The following CCDC39 variants were observed in gnomAD, a reference collection of about 807,000 sequenced individuals.
CCDC39 encodes coiled-coil domain 39 molecular ruler complex subunit, also known as coiled-coil domain-containing protein 39.
CCDC39 carries 113 observed loss-of-function variants against 121.0 expected under a neutral mutation model. The ratio of observed to expected loss-of-function variants is 0.93; its 90% CI spans 0.80 to 1.09. The LOEUF (loss-of-function observed/expected upper bound fraction) is 1.09. Ranked by LOEUF, CCDC39 falls within the 50% of genes least tolerant of loss-of-function variation. The pLI, the probability that CCDC39 is intolerant of heterozygous loss-of-function variation, is 0.00. For missense variants in CCDC39, 1,063 were observed against 1,074.7 expected (o/e 0.99, Z 0.15); for synonymous variants, 349 against 352.2 (o/e 0.99, Z 0.10).
intron 1 of CCDC39, among the ~76,000 whole-genome samples, chr3:180,674,098 T>A (rs926347928): frequency 6.6e-5 from 10 of 152,184 alleles, no homozygotes; most frequent in African/African-American, 2.4e-4. Context: ...TATTGATTCT[T>A]CCTATTCATG....
At chr3:180,629,277 T>C (rs962668615) in intron 14 of CCDC39, among the ~76,000 whole-genome samples, 1 of 152,242 alleles carries the variant, frequency 6.6e-6, no homozygotes, top group African/African-American at 2.4e-5. Flanking sequence ...CATATTAATA[T>C]ATTTTAGTGT....
At chr3:180,650,859 A>AAAAAT (rs1173445593) in intron 9 of CCDC39, among the ~76,000 whole-genome samples, 3 of 152,166 alleles carry the variant, frequency 2.0e-5, no homozygotes, top group Admixed American at 6.5e-5. Context: ...TTAGTCTCAA[A>AAAAAT]AAAATAAAAT....
intron 14 of CCDC39, among the ~76,000 whole-genome samples, chr3:180,623,966 T>C (rs1411714082): frequency 6.6e-6 from 1 of 152,170 alleles, no homozygotes; most frequent in Non-Finnish European, 1.5e-5. Context: ...AAGCCCGATT[T>C]AAGTCCAGTG....
At chr3:180,641,159 T>G (rs1048624136) in intron 13 of CCDC39, among the ~76,000 whole-genome samples, 1 of 152,118 alleles carries the variant, frequency 6.6e-6, no homozygotes, top group African/African-American at 2.4e-5. Flanking sequence ...CACAACAGAT[T>G]GAAGAAGATA....
intron 14 of CCDC39, among the ~76,000 whole-genome samples, chr3:180,622,272 A>G (rs1297102887): frequency 1.3e-5 from 2 of 152,104 alleles, no homozygotes; most frequent in Admixed American, 6.6e-5. Flanking sequence ...TTGTATCCCG[A>G]AACTGCTGAA....
intron 13 of CCDC39, among the ~76,000 whole-genome samples, chr3:180,640,168 T>C (rs996041833): frequency 5.0e-4 from 76 of 152,078 alleles, no homozygotes; most frequent in African/African-American, 1.8e-3. Context: ...GTACATTACG[T>C]ATGTCAAAAC....
intron 14 of CCDC39, among the ~76,000 whole-genome samples, chr3:180,627,289 AG>A (rs1394645020): frequency 3.9e-5 from 6 of 152,256 alleles, no homozygotes; most frequent in African/African-American, 1.4e-4. Flanking sequence ...AAAAAATTAT[AG>A]AAATTATATC....
Position 180,679,296 on chromosome 3 carries a change from C to T in CCDC39, c.85G>A (p.Asp29Asn). Residue 29 changes from aspartate (D) to asparagine (N), a missense_variant, in exon 1 of 20, where the codon GAT (aspartate) becomes AAT (asparagine). Physicochemically the swap from Asp to Asn is conservative, Grantham distance 23. Coordinates refer to ENST00000476379, the MANE Select transcript of CCDC39 (RefSeq NM_181426.2). This position sits in a 1 kb window ranked among gnomAD's most constrained non-coding sequence, Gnocchi z 4.0. ...CCTGCTTCAATTGATCTCACCTGAT[C>T]TTCCAGTAGCTTGTTCTCCTCGTTC... is the stretch of plus-strand genomic sequence containing the variant. Reference protein sequence around the residue: ...VANEENKLLEDQLSKLKDERA... With the variant: ...VANEENKLLENQLSKLKDERA... 1.2e-6 allele frequency: 2 copies of T among 1,613,644 alleles called. No homozygotes were observed. The highest frequency in any genetic ancestry group is 2.2e-5 in the South Asian group (2 of 91,066).
chr3:180,645,819 C>A (rs1024434253), intron 11 of CCDC39, among the ~76,000 whole-genome samples: 5 of 151,960 alleles, frequency 3.3e-5, no homozygotes, highest in Non-Finnish European at 7.4e-5. Context: ...TCTGTTAAAA[C>A]CAGAGTTGGA....
At chr3:180,632,570 G>A (rs1014264613) in intron 13 of CCDC39, among the ~76,000 whole-genome samples, 2 of 152,002 alleles carry the variant, frequency 1.3e-5, no homozygotes, top group African/African-American at 4.8e-5. Flanking sequence ...ATAAAAACTT[G>A]CTGGACTTCA....
intron 1 of CCDC39, among the ~76,000 whole-genome samples, chr3:180,676,016 T>C (rs1479808747): frequency 6.6e-6 from 1 of 151,808 alleles, no homozygotes; most frequent in African/African-American, 2.4e-5. Flanking sequence ...AAGACTTAAA[T>C]GTTAGACCTA....
rs11712658 is a variant in CCDC39 at position 180,615,167 on chromosome 3, A to G, written c.2670-90T>C. 0.042 allele frequency: 39,095 copies of G among 937,952 alleles called. 1,078 individuals carry two copies. The highest frequency in any genetic ancestry group is 0.093 in the East Asian group (3,248 of 35,096). 58.1% of individuals were successfully genotyped at this position (937,952 alleles called of 1,614,324 possible). ...TATTGGCAAAAGGTACCATAATTCC[A>G]TAAGTAAAGACATCAAAAAAGTACA... is the stretch of plus-strand genomic sequence containing the variant. On this transcript the variant is annotated intron_variant, in intron 19 of 19. Coordinates refer to ENST00000476379, the MANE Select transcript of CCDC39 (RefSeq NM_181426.2).
intron 14 of CCDC39, among the ~76,000 whole-genome samples, chr3:180,630,904 CTG>C (rs1717676259): frequency 6.6e-6 from 1 of 152,088 alleles, no homozygotes; most frequent in East Asian, 1.9e-4. Context: ...TAATGGTAAA[CTG>C]GAGTTTAAAA....
chr3:180,654,637 AGAAAAAGG>A, intron 7 of CCDC39, 117 bp downstream of exon 7: 1 of 570,494 alleles, frequency 1.8e-6, no homozygotes, highest in Non-Finnish European at 2.8e-6. Context: ...AAAAAAAAAA[AGAAAAAGG>A]AAAAAAAAAA....
intron 1 of CCDC39, 61 bp from the exon 2 acceptor site, chr3:180,664,047 C>G (rs1297150312): frequency 7.0e-7 from 1 of 1,438,076 alleles, no homozygotes; most frequent in Non-Finnish European, 9.5e-7. Context: ...TATGAAGGAC[C>G]TAAAATCAAA....
In CCDC39 at chr3:180,657,418, T is replaced by C. The variant is rs527591644; in HGVS notation, c.738+2034A>G. Among the ~76,000 whole-genome samples the C allele has an allele frequency of 3.3e-5, 5 of 152,284 alleles. No homozygotes were observed. The East Asian group carries it at 9.7e-4, about 29-fold the overall frequency. On this transcript the variant is annotated intron_variant, in intron 6 of 19. Transcript: ENST00000476379. ...CCATGGGGTTGTATGAGAAAACTGATTGTGGATCCGTAATCTTGGATCTCG... is the reference window on the plus strand; with the variant it reads ...CCATGGGGTTGTATGAGAAAACTGACTGTGGATCCGTAATCTTGGATCTCG...
Position 180,652,176 on chromosome 3 carries a change from C to G in CCDC39, c.1021G>C (p.Glu341Gln). Residue 341 changes from glutamate (E) to glutamine (Q), a missense_variant, in exon 8 of 20, where the codon GAA becomes CAA. Glu to Gln is a conservative substitution (Grantham distance 29, BLOSUM62 2). Coordinates refer to ENST00000476379, the MANE Select transcript of CCDC39 (RefSeq NM_181426.2). ...NISKIKKDIH[E>Q]ETARLQKTKN... ...TTTTTTTCTTACCTTGCTGTTTCTT[C>G]ATGAATGTCCTTCTTTATCTTGGAA... 1 of 1,514,002 alleles carries G rather than the reference C, an allele frequency of 6.6e-7. No individual in the cohort carries two copies. The allele number at this position is 1,514,002 out of a possible 1,614,324, so 93.8% of individuals were successfully genotyped here. A position where few individuals can be genotyped will look rare whatever the true frequency, so the allele number is the denominator to read the frequency against.
At chr3:180,627,723 T>C (rs1346483555) in intron 14 of CCDC39, among the ~76,000 whole-genome samples, 2 of 152,172 alleles carry the variant, frequency 1.3e-5, no homozygotes, top group African/African-American at 2.4e-5. Flanking sequence ...TTAGATATTA[T>C]AAGATACTAG....
At position 180,617,433 on chromosome 3, in the gene CCDC39, T is replaced by C. The variant is rs756457448; in HGVS notation, c.2266-467A>G. ...TATAAAACAGCCTCAGGCAGGTCCTTCAGGAGATATTCCAGAAGAGGGCAT... is the reference window on the plus strand; with the variant it reads ...TATAAAACAGCCTCAGGCAGGTCCTCCAGGAGATATTCCAGAAGAGGGCAT... On this transcript the variant is annotated intron_variant, in intron 16 of 19. Coordinates refer to ENST00000476379, the MANE Select transcript of CCDC39 (RefSeq NM_181426.2). 56 of 683,442 alleles carry C rather than the reference T, an allele frequency of 8.2e-5. 2 individuals are homozygous for C. In the South Asian group the frequency reaches 8.9e-4, roughly 11 times the overall value. 42.3% of individuals were successfully genotyped at this position (683,442 alleles called of 1,614,324 possible).
Sources: gnomAD v4.1 joint callset for allele counts (sites outside exome capture counted in the v4.1 genomes callset) on GRCh38, gnomAD v4.1.1 for gene constraint, Gnocchi (gnomAD v3.1) non-coding constraint, MANE v1.5 for transcripts, NCBI Gene and HGNC (gene_info 2026-07-23, HGNC 2026-07-21) for gene names.